Variants in SLC24A3 observed in about 807,000 individuals in gnomAD.
The protein encoded by SLC24A3 is sodium/potassium/calcium exchanger 3.
Under a neutral mutation model 75.8 loss-of-function variants are expected in SLC24A3, and 28 were observed. The observed-to-expected ratio is 0.37, with a 90% CI of 0.27 to 0.51. The LOEUF (loss-of-function observed/expected upper bound fraction) is 0.51. Ranked by LOEUF, SLC24A3 falls within the 20% of genes least tolerant of loss-of-function variation. The probability of loss-of-function intolerance (pLI) is 0.94; values close to 1 mark genes in which losing one functional copy is unlikely to be tolerated. For missense variants in SLC24A3, 663 were observed against 847.8 expected, an observed-to-expected ratio of 0.78 and a Z score of 2.71; for synonymous variants, 372 against 334.1, an observed-to-expected ratio of 1.11 and a Z score of -1.24.
chr20:19,307,613 G>A (rs966027063), intron 2 of SLC24A3, among the ~76,000 whole-genome samples: 7 of 152,024 alleles, frequency 4.6e-5, no homozygotes, highest in Non-Finnish European at 7.4e-5. Context: ...GGGGTGGGTG[G>A]AAAGGGGAGG....
At chr20:19,275,948 A>G (rs999467524) in intron 1 of SLC24A3, among the ~76,000 whole-genome samples, 3 of 152,144 alleles carry the variant, frequency 2.0e-5, no homozygotes, top group African/African-American at 7.2e-5. Flanking sequence ...GCCAACATGC[A>G]ACTTCCAGGG....
intron 1 of SLC24A3, among the ~76,000 whole-genome samples, chr20:19,222,811 T>TCCTTCCTTCCTTCCTA (rs1981761730): frequency 7.0e-6 from 1 of 142,476 alleles, no homozygotes. Flanking sequence ...CTTCCTTCCT[T>TCCTTCCTTCCTTCCTA]CCTTCGTTCC....
chr20:19,299,475 A>G (rs1025031680), intron 2 of SLC24A3, among the ~76,000 whole-genome samples: 22 of 152,160 alleles, frequency 1.4e-4, no homozygotes, highest in African/African-American at 5.3e-4. Context: ...GAAGCTCAAA[A>G]CAGGTCAAAT....
intron 1 of SLC24A3, chr20:19,257,568 G>A (rs1047479270): frequency 1.3e-5 from 2 of 152,236 alleles, no homozygotes; most frequent in Non-Finnish European, 2.9e-5. Flanking sequence ...ATGTTGGGAA[G>A]CATCTTTTTA....
chr20:19,267,654 T>C (rs1983206828), intron 1 of SLC24A3, among the ~76,000 whole-genome samples: 1 of 152,246 alleles, frequency 6.6e-6, no homozygotes, highest in African/African-American at 2.4e-5. Context: ...TTTTAGAATG[T>C]ACTGATTTTT....
intron 7 of SLC24A3, among the ~76,000 whole-genome samples, chr20:19,662,133 C>T (rs1568689001): frequency 6.6e-6 from 1 of 152,226 alleles, no homozygotes; most frequent in African/African-American, 2.4e-5. Flanking sequence ...CAGAGGCCCC[C>T]TGACCAGCTG....
At chr20:19,298,615 AAAAG>A (rs1440533660) in intron 2 of SLC24A3, among the ~76,000 whole-genome samples, 1 of 152,014 alleles carries the variant, frequency 6.6e-6, no homozygotes, top group Non-Finnish European at 1.5e-5. Context: ...AACAGGTCAA[AAAAG>A]AAAGAAAAAG....
intron 1 of SLC24A3, among the ~76,000 whole-genome samples, chr20:19,219,588 G>T (rs1163678334): frequency 6.6e-6 from 1 of 152,086 alleles, no homozygotes; most frequent in Non-Finnish European, 1.5e-5. Context: ...GGAAAAGCTG[G>T]AACCTGAATA....
chr20:19,363,326 CA>C (rs1297185580), intron 2 of SLC24A3, among the ~76,000 whole-genome samples: 2 of 152,266 alleles, frequency 1.3e-5, no homozygotes, highest in African/African-American at 2.4e-5. Context: ...TATTACTTGC[CA>C]GACCATTCTC....
intron 1 of SLC24A3, among the ~76,000 whole-genome samples, chr20:19,235,043 C>T (rs544588991): frequency 5.9e-5 from 9 of 152,334 alleles, no homozygotes; most frequent in African/African-American, 1.2e-4. Flanking sequence ...GTGCCCACTC[C>T]GGCTATTTTC....
intron 2 of SLC24A3, among the ~76,000 whole-genome samples, chr20:19,339,850 G>A (rs1600437471): frequency 6.6e-6 from 1 of 152,332 alleles, no homozygotes; most frequent in Admixed American, 6.5e-5. Flanking sequence ...GAAGAAGGGA[G>A]GAAGGCAGAG....
intron 2 of SLC24A3, among the ~76,000 whole-genome samples, chr20:19,382,487 C>A (rs973961490): frequency 6.6e-6 from 1 of 152,266 alleles, no homozygotes; most frequent in Non-Finnish European, 1.5e-5. Context: ...AACCTAGAGA[C>A]GCTGTTATCT....
At chr20:19,276,296 G>A (rs899681715) in intron 1 of SLC24A3, among the ~76,000 whole-genome samples, 4 of 152,206 alleles carry the variant, frequency 2.6e-5, no homozygotes, top group African/African-American at 9.6e-5. Flanking sequence ...GACTTTAGAA[G>A]TGTCTTATTT....
At chr20:19,365,775 G>A (rs977298728) in intron 2 of SLC24A3, among the ~76,000 whole-genome samples, 4 of 152,254 alleles carry the variant, frequency 2.6e-5, no homozygotes, top group African/African-American at 9.6e-5. Flanking sequence ...CATCTCTGAG[G>A]CTCCATCATT....
chr20:19,431,989 A>G (rs1459698658), intron 2 of SLC24A3, among the ~76,000 whole-genome samples: 1 of 152,152 alleles, frequency 6.6e-6, no homozygotes, highest in African/African-American at 2.4e-5. Flanking sequence ...TCAGGTTTAA[A>G]TCTTACCGTT....
chr20:19,548,998 G>A (rs2030649188), intron 3 of SLC24A3, among the ~76,000 whole-genome samples: 1 of 152,192 alleles, frequency 6.6e-6, no homozygotes, highest in Non-Finnish European at 1.5e-5. Context: ...TAGACTGGTG[G>A]AGGCCCTGCT....
chr20:19,375,015 A>C (rs1385752283), intron 2 of SLC24A3, among the ~76,000 whole-genome samples: 5 of 152,160 alleles, frequency 3.3e-5, no homozygotes, highest in African/African-American at 1.2e-4. Flanking sequence ...AGGAAGCCCC[A>C]GGTACACCCA....
chr20:19,276,575 C>G (rs899567404), intron 1 of SLC24A3, among the ~76,000 whole-genome samples: 5 of 152,236 alleles, frequency 3.3e-5, no homozygotes, highest in African/African-American at 1.2e-4. Flanking sequence ...CTAAACATAT[C>G]TAAATACAGC....
intron 3 of SLC24A3, among the ~76,000 whole-genome samples, chr20:19,545,162 T>A (rs925371374): frequency 6.6e-6 from 1 of 152,208 alleles, no homozygotes; most frequent in African/African-American, 2.4e-5. Flanking sequence ...GGGAAATGCA[T>A]GAAGCGGCTC....
Sources: gnomAD v4.1 joint callset for allele counts (sites outside exome capture counted in the v4.1 genomes callset) on GRCh38, gnomAD v4.1.1 for gene constraint, MANE v1.5 for transcripts, NCBI Gene and HGNC (gene_info 2026-07-23, HGNC 2026-07-21) for gene names.